The following BRAF variants were observed in gnomAD, a reference collection of about 807,000 sequenced individuals.
The protein encoded by BRAF is serine/threonine-protein kinase B-raf.
BRAF carries 16 observed loss-of-function variants against 104.6 expected under a neutral mutation model. The ratio of observed to expected loss-of-function variants is 0.15; its 90% confidence interval spans 0.10 to 0.23. The LOEUF (loss-of-function observed/expected upper bound fraction) is 0.23. Ranked by LOEUF, BRAF falls within the 10% of genes least tolerant of loss-of-function variation. The pLI is 1.00. For synonymous variants in BRAF, 310 were observed against 341.6 expected, an observed-to-expected ratio of 0.91 and a Z score of 1.02; for missense variants, 541 against 937.3, an observed-to-expected ratio of 0.58 and a Z score of 5.52.
At chr7:140,886,582 G>T (rs575060870) in intron 1 of BRAF, among the ~76,000 whole-genome samples, 1 of 152,098 alleles carries the variant, frequency 6.6e-6, no homozygotes. Flanking sequence ...CTTCTTCCTG[G>T]AACACTCTTT....
At chr7:140,765,555 C>T (rs1258409840) in intron 14 of BRAF, among the ~76,000 whole-genome samples, 1 of 151,966 alleles carries the variant, frequency 6.6e-6, no homozygotes, top group African/African-American at 2.4e-5. Context: ...ACTCATCTGA[C>T]AAAGGGCTAA....
intron 1 of BRAF, among the ~76,000 whole-genome samples, chr7:140,900,510 T>A (rs1294535305): frequency 1.3e-5 from 2 of 152,252 alleles, no homozygotes; most frequent in African/African-American, 4.8e-5. Context: ...AGAGCAGGTG[T>A]CCCTCCACCT....
chr7:140,772,345 G>A (rs1052290433), intron 14 of BRAF, among the ~76,000 whole-genome samples: 6 of 152,016 alleles, frequency 3.9e-5, no homozygotes, highest in South Asian at 2.1e-4. Context: ...AAAATAGGCC[G>A]GGCCTGGTGG....
rs1795306541 is a variant in BRAF at position 140,721,178 on chromosome 7, A to C, written c.*5316T>G. ...ATAATTATTCAAAATAGCTAAATAA[A>C]TGTCAACATTTTAATAAAGCTGATT... On this transcript the variant is annotated 3_prime_UTR_variant, in exon 20 of 20. Transcript: ENST00000644969. 9.4e-7 allele frequency: 1 copy of C among 1,068,128 alleles called. No individual in the cohort carries two copies. The highest frequency in any genetic ancestry group is 1.1e-6 in the Non-Finnish European group (1 of 880,734). 66.2% of individuals were successfully genotyped at this position (1,068,128 alleles called of 1,614,324 possible).
chr7:140,830,622 T>C (rs1227787764), intron 3 of BRAF, among the ~76,000 whole-genome samples: 3 of 152,216 alleles, frequency 2.0e-5, no homozygotes, highest in Non-Finnish European at 2.9e-5. Flanking sequence ...CAAGCCATAA[T>C]GTGAACTTTC....
intron 19 of BRAF, chr7:140,733,972 G>C (rs962023576): frequency 1.2e-5 from 12 of 1,019,260 alleles, no homozygotes; most frequent in Non-Finnish European, 1.4e-5. Flanking sequence ...TGTCAAACGT[G>C]CCACTCCTCA....
intron 5 of BRAF, among the ~76,000 whole-genome samples, chr7:140,804,449 A>G (rs1803456214): frequency 6.6e-6 from 1 of 151,304 alleles, no homozygotes; most frequent in African/African-American, 2.4e-5. Flanking sequence ...TTGTAATTAT[A>G]CAATTTCCAC....
chr7:140,896,327 T>C (rs1814893671), intron 1 of BRAF, among the ~76,000 whole-genome samples: 1 of 152,166 alleles, frequency 6.6e-6, no homozygotes, highest in African/African-American at 2.4e-5. Flanking sequence ...TATATTTTTT[T>C]CTAAACATCT....
intron 1 of BRAF, among the ~76,000 whole-genome samples, chr7:140,879,726 ATTTC>A (rs1310746996): frequency 1.4e-4 from 19 of 136,830 alleles, no homozygotes; most frequent in Admixed American, 2.8e-4. Context: ...GACTGTGGCA[ATTTC>A]TTTCTTTTTT....
intron 1 of BRAF, among the ~76,000 whole-genome samples, chr7:140,883,201 T>C (rs930839977): frequency 2.0e-5 from 3 of 152,124 alleles, no homozygotes; most frequent in African/African-American, 7.2e-5. Flanking sequence ...ACCTTTAATG[T>C]AGTTAACATT....
At chr7:140,854,743 C>T (rs549132492) in intron 1 of BRAF, among the ~76,000 whole-genome samples, 16 of 151,940 alleles carry the variant, frequency 1.1e-4, no homozygotes, top group South Asian at 6.2e-4. Context: ...GTCAGGAGTT[C>T]GAGACCAGCT....
chr7:140,757,820 G>A (rs369173492), intron 14 of BRAF, among the ~76,000 whole-genome samples: 15 of 152,290 alleles, frequency 9.8e-5, no homozygotes, highest in East Asian at 3.9e-4. Context: ...TTATATTCAA[G>A]AGAGGACTGA....
rs542908612 is a variant in BRAF at position 140,900,025 on chromosome 7, G to A, written c.138+24541C>T. Among the ~76,000 whole-genome samples, 160 of 152,320 alleles carry A rather than the reference G, an allele frequency of 1.1e-3. 1 individual carries two copies. The highest frequency in any genetic ancestry group is 2.0e-3 in the Admixed American group (30 of 15,296). ...GCACAAAGCAGTCAAGCCTTCAAATGACTGCAGCCATTGACTGATTACAGC... is the reference window on the plus strand; with the variant it reads ...GCACAAAGCAGTCAAGCCTTCAAATAACTGCAGCCATTGACTGATTACAGC... On this transcript the variant is annotated intron_variant, in intron 1 of 19. Coordinates refer to ENST00000644969, the MANE Select transcript of BRAF (RefSeq NM_001374258.1).
At chr7:140,733,922 A>G (rs1003159527) in intron 19 of BRAF, 21 of 834,014 alleles carry the variant, frequency 2.5e-5, no homozygotes, top group Non-Finnish European at 3.1e-5. Flanking sequence ...AATTTATAAC[A>G]TTTTCCCGCT....
At chr7:140,897,493 C>CT (rs1177553423) in intron 1 of BRAF, among the ~76,000 whole-genome samples, 1,970 of 105,686 alleles carry the variant, frequency 0.019, 43 homozygotes, top group African/African-American at 0.021. Context: ...TTTCTTTTTT[C>CT]TTTTTTTTTT....
chr7:140,886,376 T>C (rs1813564014), intron 1 of BRAF, among the ~76,000 whole-genome samples: 1 of 152,048 alleles, frequency 6.6e-6, no homozygotes, highest in Non-Finnish European at 1.5e-5. Flanking sequence ...TTCACAACAC[T>C]CCCCTTCCTT....
In BRAF at chr7:140,731,704, AT is replaced by A. The variant is rs1412198758; in HGVS notation, c.2401+2912del. The A allele has an allele frequency of 2.0e-5, 3 of 152,230 alleles. No homozygotes were observed. In the South Asian group the frequency reaches 6.2e-4, roughly 32 times the overall value. The allele number at this position is 152,230 out of a possible 1,614,324, so 9.4% of individuals were successfully genotyped here. On this transcript the variant is annotated intron_variant, in intron 19 of 19. Transcript: ENST00000644969. ...GGAAGAAAATAAATAAATAAAAAAG[AT>A]TAAATGGCTAGTGTAATACCTGAAA... is the stretch of plus-strand genomic sequence containing the variant.
intron 14 of BRAF, among the ~76,000 whole-genome samples, chr7:140,772,516 A>G (rs1324135314): frequency 6.6e-6 from 1 of 151,884 alleles, no homozygotes; most frequent in African/African-American, 2.4e-5. Flanking sequence ...CCCAGCTACT[A>G]GGGAGACTGA....
At position 140,720,948 on chromosome 7, in the gene BRAF, G is replaced by A. The variant is rs1200501382; in HGVS notation, c.*5546C>T. 21 of 1,065,274 alleles carry A rather than the reference G, an allele frequency of 2.0e-5. No homozygotes were observed. Among genetic ancestry groups the A allele is most frequent in the Non-Finnish European group, 2.3e-6 (2 of 879,370 alleles). 66.0% of individuals were successfully genotyped at this position (1,065,274 alleles called of 1,614,324 possible). On this transcript the variant is annotated 3_prime_UTR_variant, in exon 20 of 20. Transcript: ENST00000644969. ...TATGTGCTGTACATGAGAACCAGCG[G>A]TCACGGTGCTGGAGAATGAACTCGG...
Sources: allele counts gnomAD v4.1 joint callset (sites outside exome capture counted in the v4.1 genomes callset), GRCh38; gene constraint gnomAD v4.1.1; transcripts MANE v1.5; gene names NCBI Gene and HGNC (gene_info 2026-07-23, HGNC 2026-07-21).